The following GSDME variants were observed in gnomAD, a reference collection of about 807,000 sequenced individuals.
GSDME encodes gasdermin E.
Under a neutral mutation model 47.5 loss-of-function variants are expected in GSDME, and 44 were observed. That is an observed-to-expected ratio of 0.93 (90% CI 0.73 to 1.19). The LOEUF (loss-of-function observed/expected upper bound fraction) is 1.19, where lower values mean the gene tolerates loss of function less well. Among genes scored for constraint, GSDME ranks in the 50% most tolerant of loss-of-function variants. GSDME has a pLI of 0.00. For synonymous variants in GSDME, 258 were observed against 252.8 expected, an observed-to-expected ratio of 1.02 and a Z score of -0.20; for missense variants, 663 against 604.2, an observed-to-expected ratio of 1.10 and a Z score of -1.02.
chr7:24,788,948 G>A, the GSDME span, among the ~76,000 whole-genome samples: 4 of 152,158 alleles, frequency 2.6e-5, no homozygotes, highest in African/African-American at 9.7e-5. This position sits in a 1 kb window ranked among gnomAD's most constrained non-coding sequence, Gnocchi z 4.6. Flanking sequence ...TAACTGTTAT[G>A]CAAATGTCTT....
chr7:24,717,067 C>T (rs1789586230), intron 5 of GSDME, 187 bp downstream of exon 5: 2 of 667,372 alleles, frequency 3.0e-6, no homozygotes, highest in Admixed American at 5.1e-5. Flanking sequence ...TCCCTCACCA[C>T]ACCCCTCCCC....
rs201545458 is a variant in GSDME at position 24,706,350 on chromosome 7, C to T, written c.1017G>A (p.Ser339=). The T allele has an allele frequency of 1.6e-5, 26 of 1,613,036 alleles. No individual in the cohort carries two copies. The highest frequency in any genetic ancestry group is 5.3e-5 in the African/African-American group (4 of 75,018). The change falls in exon 8 of 10, where the codon TCG becomes TCA. Residue 339 remains serine, a synonymous_variant. Transcript: ENST00000645220. ...PVCDDLVSGL[S]PTVAVLGELK... ...GCTCCCCCAGCACCGCCACTGTGGGCGAGAGGCCGCTGACCAGGTCATCGC... is the reference window on the plus strand; with the variant it reads ...GCTCCCCCAGCACCGCCACTGTGGGTGAGAGGCCGCTGACCAGGTCATCGC...
the GSDME span, among the ~76,000 whole-genome samples, chr7:24,768,639 T>C: frequency 6.6e-6 from 1 of 152,334 alleles, no homozygotes; most frequent in African/African-American, 2.4e-5. This position sits in a 1 kb window ranked among gnomAD's most constrained non-coding sequence, Gnocchi z 5.6. Context: ...GAGACTGAGG[T>C]TGTCAACCCT....
chr7:24,710,192 A>C, intron 6 of GSDME, 32 bp downstream of exon 6: 1 of 1,611,760 alleles, frequency 6.2e-7, no homozygotes, highest in Non-Finnish European at 8.5e-7. Flanking sequence ...TTGGCCCTCA[A>C]CTGCCCACTA....
the GSDME span, among the ~76,000 whole-genome samples, chr7:24,782,861 T>G: frequency 2.0e-5 from 3 of 152,400 alleles, no homozygotes; most frequent in African/African-American, 7.2e-5. Flanking sequence ...TACATAAATG[T>G]CTTCTTTTGA....
intron 7 of GSDME, chr7:24,707,130 C>T (rs1006037390): frequency 2.8e-6 from 1 of 359,562 alleles, no homozygotes; most frequent in Non-Finnish European, 5.5e-6. Context: ...TAACAGGTTC[C>T]ATCACTGATA....
In GSDME at chr7:24,698,579, A is replaced by G. The variant is rs569722624; in HGVS notation, c.*447T>C. The G allele has an allele frequency of 2.0e-5, 5 of 247,538 alleles. No individual in the cohort carries two copies. Among genetic ancestry groups the G allele is most frequent in the East Asian group, 2.1e-4 (2 of 9,446 alleles). The allele number at this position is 247,538 out of a possible 1,614,324, so 15.3% of individuals were successfully genotyped here. Reference sequence around the variant, plus strand: ...TTTACAGTTCATTTTCAGTCATCAAATAACATACATCACTTCCAAAACGTA... The same window carrying G: ...TTTACAGTTCATTTTCAGTCATCAAGTAACATACATCACTTCCAAAACGTA... On this transcript the variant is annotated 3_prime_UTR_variant, in exon 10 of 10. Coordinates refer to ENST00000645220, the MANE Select transcript of GSDME (RefSeq NM_001127453.2).
the GSDME span, among the ~76,000 whole-genome samples, chr7:24,763,699 C>A: frequency 6.2e-4 from 95 of 152,160 alleles, no homozygotes; most frequent in Admixed American, 1.2e-3. This position sits in a 1 kb window ranked among gnomAD's most constrained non-coding sequence, Gnocchi z 4.3. Flanking sequence ...ATAAAGGGAG[C>A]CTACTGTACC....
At chr7:24,700,435 G>A (rs1374454293) in intron 9 of GSDME, among the ~76,000 whole-genome samples, 2 of 152,110 alleles carry the variant, frequency 1.3e-5, no homozygotes, top group South Asian at 2.1e-4. Flanking sequence ...AATAATGTAA[G>A]TAGTAAAATT....
the GSDME span, among the ~76,000 whole-genome samples, chr7:24,777,026 GTAT>G: frequency 2.9e-4 from 44 of 151,956 alleles, no homozygotes; most frequent in African/African-American, 1.0e-3. Flanking sequence ...TATATTCACT[GTAT>G]TATATTTTAA....
chr7:24,749,225 G>A (rs1790775011), intron 2 of GSDME, among the ~76,000 whole-genome samples: 1 of 152,148 alleles, frequency 6.6e-6, no homozygotes, highest in South Asian at 2.1e-4. Flanking sequence ...TCATCGACCA[G>A]GCATGGTGGC....
At chr7:24,783,319 C>G in the GSDME span, among the ~76,000 whole-genome samples, 1 of 152,094 alleles carries the variant, frequency 6.6e-6, no homozygotes, top group African/African-American at 2.4e-5. Flanking sequence ...TAACCTAGGG[C>G]TCAATTTCTT....
chr7:24,740,737 A>G (rs988320491), intron 3 of GSDME, among the ~76,000 whole-genome samples: 7 of 152,160 alleles, frequency 4.6e-5, no homozygotes, highest in African/African-American at 1.7e-4. Flanking sequence ...TGGTCATGAC[A>G]TTGCTTTAAT....
intron 9 of GSDME, among the ~76,000 whole-genome samples, chr7:24,701,376 G>T (rs1304411385): frequency 6.6e-6 from 1 of 152,202 alleles, no homozygotes; most frequent in East Asian, 1.9e-4. Context: ...GCTGCTCTTA[G>T]AACACCAACA....
At position 24,757,048 on chromosome 7, in the gene GSDME, G is replaced by A. The variant is rs543531681; in HGVS notation, c.-20+348C>T. On this transcript the variant is annotated intron_variant, in intron 1 of 9. Coordinates refer to ENST00000645220, the MANE Select transcript of GSDME (RefSeq NM_001127453.2). This position sits in a 1 kb window ranked among gnomAD's most constrained non-coding sequence, Gnocchi z 5.9. The stretch of plus-strand genomic sequence containing the variant: ...TGGGGAGGGGGGGTTTGGGGGGTTG[G>A]GAGAACGAAAATACCAGCTGCGCTT... Among the ~76,000 whole-genome samples, 2 of 152,272 alleles carry A rather than the reference G, an allele frequency of 1.3e-5. No homozygotes were observed. Among genetic ancestry groups the A allele is most frequent in the African/African-American group, 4.8e-5 (2 of 41,564 alleles).
At chr7:24,755,082 T>G (rs1790972868) in intron 1 of GSDME, among the ~76,000 whole-genome samples, 2 of 152,226 alleles carry the variant, frequency 1.3e-5, no homozygotes, top group Non-Finnish European at 2.9e-5. Context: ...TTAAGTAACT[T>G]GCCCAAGATC....
chr7:24,731,283 C>G (rs1790136344), intron 3 of GSDME, among the ~76,000 whole-genome samples: 1 of 152,226 alleles, frequency 6.6e-6, no homozygotes. Flanking sequence ...AAAGAACAGC[C>G]TGTGTGCTAT....
Position 24,710,289 on chromosome 7 carries a change from A to T in GSDME, c.797T>A (p.Ile266Lys), listed in dbSNP as rs1180013011. Residue 266 changes from isoleucine (I) to lysine (K), a missense_variant, in exon 6 of 10, where the codon ATA (isoleucine) becomes AAA (lysine). Transcript: ENST00000645220. The stretch of plus-strand genomic sequence containing the variant: ...CCCATGCGCAGCATCTGGCATGTCT[A>T]TGAATGCAAACTCTCGAAAGACCAG... ...DPLVFREFAF[I>K]DMPDAAHGIS... 6.2e-7 allele frequency: 1 copy of T among 1,614,240 alleles called. No individual in the cohort carries two copies. The highest frequency in any genetic ancestry group is 1.1e-5 in the South Asian group (1 of 91,080).
At chr7:24,709,262 C>G (rs1000268856) in intron 6 of GSDME, among the ~76,000 whole-genome samples, 18 of 152,214 alleles carry the variant, frequency 1.2e-4, no homozygotes, top group South Asian at 4.1e-4. Context: ...GTGGGCAGGA[C>G]AGAAGGAAGC....
Sources: allele counts gnomAD v4.1 joint callset (sites outside exome capture counted in the v4.1 genomes callset), GRCh38; gene constraint gnomAD v4.1.1; non-coding constraint Gnocchi (gnomAD v3.1); transcripts MANE v1.5; gene names NCBI Gene and HGNC (gene_info 2026-07-23, HGNC 2026-07-21).